The following DRAM2 variants were observed in gnomAD, a reference collection of about 807,000 sequenced individuals.
DRAM2 encodes the protein DNA damage regulated autophagy modulator 2.
In DRAM2, 26 loss-of-function variants were observed where a neutral mutation model predicts 33.5. The observed-to-expected ratio is 0.78, with a 90% CI of 0.57 to 1.08. DRAM2 has a LOEUF of 1.08. Ranked by LOEUF, DRAM2 falls within the 50% of genes least tolerant of loss-of-function variation. DRAM2 has a pLI of 0.00. For missense variants in DRAM2, 311 were observed against 318.1 expected (o/e 0.98, Z 0.17); for synonymous variants, 98 against 109.5 (o/e 0.89, Z 0.66).
rs1016229162 is a variant in DRAM2 at position 111,126,307 on chromosome 1, A to C, written c.132-13T>G. On this transcript the variant is annotated splice_polypyrimidine_tract_variant and intron_variant, in intron 4 of 9. Coordinates refer to ENST00000484310, the MANE Select transcript of DRAM2 (RefSeq NM_001349884.2). Reference sequence around the variant, plus strand: ...TGTACCAGTGTCACTGAAAGAAAAAAAGGAAGGTATGTGGATTTCTCATAC... The same window carrying C: ...TGTACCAGTGTCACTGAAAGAAAAACAGGAAGGTATGTGGATTTCTCATAC... 1 of 1,577,112 alleles carries C rather than the reference A, an allele frequency of 6.3e-7. No homozygotes were observed. The highest frequency in any genetic ancestry group is 1.4e-5 in the African/African-American group (1 of 73,446).
intron 9 of DRAM2, 36 bp downstream of exon 9, chr1:111,118,769 G>A (rs772952912): frequency 6.6e-7 from 1 of 1,515,336 alleles, no homozygotes; most frequent in Non-Finnish European, 9.1e-7. Context: ...AGAGAAGGAA[G>A]TCTGACTGAA....
rs1405959337 is a variant in DRAM2 at position 111,130,593 on chromosome 1, A to C, written c.131+831T>G. Among the ~76,000 whole-genome samples, 7 of 151,924 alleles carry C rather than the reference A, an allele frequency of 4.6e-5. No homozygotes were observed. The East Asian group carries it at 9.7e-4, about 21-fold the overall frequency. On this transcript the variant is annotated intron_variant, in intron 4 of 9. Coordinates refer to ENST00000484310, the MANE Select transcript of DRAM2 (RefSeq NM_001349884.2). ...TGTGCGCCTGTAATTCTAGTGACTCAGGAGGCTGAGGCAGGAGAATCACTT... is the reference window on the plus strand; with the variant it reads ...TGTGCGCCTGTAATTCTAGTGACTCCGGAGGCTGAGGCAGGAGAATCACTT...
chr1:111,126,425 T>C, intron 4 of DRAM2, 131 bp from the exon 5 acceptor site: 2 of 574,832 alleles, frequency 3.5e-6, no homozygotes, highest in Non-Finnish European at 6.5e-6. Flanking sequence ...TCAACTCATA[T>C]CATTTTATAC....
rs1379249846 is a variant in DRAM2, at chr1:111,126,242, T to C, written c.184A>G (p.Ile62Val). The C allele has an allele frequency of 1.2e-6, 2 of 1,610,548 alleles. No individual in the cohort carries two copies. Among genetic ancestry groups the C allele is most frequent in the Non-Finnish European group, 1.7e-6 (2 of 1,177,692 alleles). The stretch of plus-strand genomic sequence containing the variant: ...CATTACTTACATAAAACTGCCGCAA[T>C]ATTTAGCATTGCCCCAAATAAGCAT... The part of the protein sequence containing the change: ...EKCLFGAMLN[I>V]AAVLCIATIY... The change falls in exon 5 of 10, where the codon ATT becomes GTT. Residue 62 changes from isoleucine to valine, a missense_variant. Ile to Val is a conservative substitution (Grantham distance 29). Transcript: ENST00000484310.
In DRAM2 at chr1:111,120,707, A is replaced by G; in HGVS notation, c.340-14T>C. 6.8e-7 allele frequency: 1 copy of G among 1,478,182 alleles called. No homozygotes were observed. Among genetic ancestry groups the G allele is most frequent in the Non-Finnish European group, 9.0e-7 (1 of 1,109,932 alleles). 91.6% of individuals were successfully genotyped at this position (1,478,182 alleles called of 1,614,324 possible). On this transcript the variant is annotated splice_polypyrimidine_tract_variant and intron_variant, in intron 6 of 9. Coordinates refer to ENST00000484310, the MANE Select transcript of DRAM2 (RefSeq NM_001349884.2). ...AAGGGTTGTTTTCTGAGAGATAGAGAGAAGAAATACGTCAATAAAAGAAAC... is the reference window on the plus strand; with the variant it reads ...AAGGGTTGTTTTCTGAGAGATAGAGGGAAGAAATACGTCAATAAAAGAAAC...
At chr1:111,119,690 C>A in intron 8 of DRAM2, 187 bp downstream of exon 8, 1 of 575,830 alleles carries the variant, frequency 1.7e-6, no homozygotes, top group Non-Finnish European at 3.1e-6. Flanking sequence ...ATCTACAGAT[C>A]ACAGGTGACA....
rs750691647 is a variant in DRAM2, at chr1:111,118,829, G to GA, written c.668dup (p.Leu224ProfsTer6). 1.2e-6 allele frequency: 2 copies of GA among 1,608,844 alleles called. No individual in the cohort carries two copies. Among genetic ancestry groups the GA allele is most frequent in the African/African-American group, 1.3e-5 (1 of 74,524 alleles). On this transcript the variant is annotated frameshift_variant, in exon 9 of 10. Transcript: ENST00000484310. LOFTEE classifies it high-confidence loss of function. ...CCTGAAAATCACGAATGTAAGTCAG[G>GA]AAAAAACCAAAGAAGGAAAATGACA...
In DRAM2 at chr1:111,120,445, CA is replaced by C. The variant is rs1490440542; in HGVS notation, c.517+70del. ...GACAAAAAGGCTTCTTATACTGCAC[CA>C]ATAGTGTTTACTTAAATCTTGTCAT... is the stretch of plus-strand genomic sequence containing the variant. On this transcript the variant is annotated intron_variant, in intron 7 of 9. Transcript: ENST00000484310. 2.3e-5 allele frequency: 11 copies of C among 471,534 alleles called. No individual in the cohort carries two copies. The East Asian group carries it at 6.2e-4, about 27-fold the overall frequency. The allele number at this position is 471,534 out of a possible 1,614,324, so 29.2% of individuals were successfully genotyped here.
At chr1:111,130,753 T>C (rs1651910141) in intron 4 of DRAM2, among the ~76,000 whole-genome samples, 1 of 150,548 alleles carries the variant, frequency 6.6e-6, no homozygotes, top group Non-Finnish European at 1.5e-5. Context: ...TTCCAGCACT[T>C]TGGGAGGCTG....
In DRAM2 at chr1:111,124,834, G is replaced by T; in HGVS notation, c.247C>A (p.Pro83Thr). ...VRYKQVHALS[P>T]EENVIIKLNK... ...AATTTGATGATAACGTTCTCTTCAG[G>T]ACTCAGAGCATGAACTTGCTTATAA... Residue 83 changes from proline to threonine, a missense_variant, in exon 6 of 10, where the codon CCT becomes ACT. Transcript: ENST00000484310. 1.2e-6 allele frequency: 2 copies of T among 1,613,288 alleles called. No individual in the cohort carries two copies. The highest frequency in any genetic ancestry group is 1.7e-6 in the Non-Finnish European group (2 of 1,179,664).
At chr1:111,120,119 T>C (rs1207895083) in intron 7 of DRAM2, among the ~76,000 whole-genome samples, 160 bp from the exon 8 acceptor site, 1 of 152,048 alleles carries the variant, frequency 6.6e-6, no homozygotes, top group South Asian at 2.1e-4. Context: ...AAACTAAAAA[T>C]GTGCTGCTCA....
Position 111,117,727 on chromosome 1 carries a change from C to A in DRAM2, c.*433G>T. ...ATGATAAAACTCCCATTTCAAAACC[C>A]AGTTCTAAAGGATTTACTGACTAAT... is the stretch of plus-strand genomic sequence containing the variant. On this transcript the variant is annotated 3_prime_UTR_variant, in exon 10 of 10. Transcript: ENST00000484310. 1 of 160,596 alleles carries A rather than the reference C, an allele frequency of 6.2e-6. No individual in the cohort carries two copies. Among genetic ancestry groups the A allele is most frequent in the Admixed American group, 6.1e-5 (1 of 16,470 alleles). 9.9% of individuals were successfully genotyped at this position (160,596 alleles called of 1,614,324 possible).
At chr1:111,125,845 C>T (rs998711432) in intron 5 of DRAM2, among the ~76,000 whole-genome samples, 14 of 152,130 alleles carry the variant, frequency 9.2e-5, no homozygotes, top group African/African-American at 3.4e-4. Context: ...CATCTTTATT[C>T]TCAAACATCT....
chr1:111,137,628 C>T (rs1653500707), intron 2 of DRAM2, 42 bp from the exon 3 acceptor site: 1 of 152,192 alleles, frequency 6.6e-6, no homozygotes. Context: ...TTCTCTCAAT[C>T]CACACAATTT....
chr1:111,137,759 G>A (rs1228604568), intron 2 of DRAM2, among the ~76,000 whole-genome samples, 173 bp from the exon 3 acceptor site: 1 of 148,698 alleles, frequency 6.7e-6, no homozygotes, highest in Non-Finnish European at 1.5e-5. Flanking sequence ...TTACAATGAT[G>A]TTGTACCATC....
At chr1:111,125,609 ACTT>A (rs1650855486) in intron 5 of DRAM2, 1 of 152,296 alleles carries the variant, frequency 6.6e-6, no homozygotes, top group African/African-American at 2.4e-5. Context: ...CATGAAATGA[ACTT>A]CTTTAAGTTG....
chr1:111,120,917 A>C (rs547463118), intron 6 of DRAM2, among the ~76,000 whole-genome samples: 1 of 152,224 alleles, frequency 6.6e-6, no homozygotes, highest in East Asian at 1.9e-4. Flanking sequence ...ACCTCCACTG[A>C]AAATATAATA....
intron 5 of DRAM2, 121 bp from the exon 6 acceptor site, chr1:111,125,002 CAG>C: frequency 1.2e-6 from 1 of 860,368 alleles, no homozygotes; most frequent in Non-Finnish European, 1.7e-6. Context: ...TAAAATTAAT[CAG>C]AGAGAATAAA....
chr1:111,123,494 T>C (rs149894587), intron 6 of DRAM2, among the ~76,000 whole-genome samples: 349 of 152,322 alleles, frequency 2.3e-3, no homozygotes, highest in South Asian at 0.018. Context: ...TTGTTCAGTT[T>C]AGCCGTAATC....
Sources: gnomAD v4.1 joint callset for allele counts (sites outside exome capture counted in the v4.1 genomes callset) on GRCh38, gnomAD v4.1.1 for gene constraint, MANE v1.5 for transcripts, NCBI Gene and HGNC (gene_info 2026-07-23, HGNC 2026-07-21) for gene names.